The following CNTNAP2 variants were observed in gnomAD, a reference collection of about 807,000 sequenced individuals.
CNTNAP2 encodes the protein contactin-associated protein-like 2.
CNTNAP2 carries 98 observed loss-of-function variants against 155.2 expected under a neutral mutation model. That is an observed-to-expected ratio of 0.63 (90% CI 0.54 to 0.75). The LOEUF is 0.75. Ranked by LOEUF, CNTNAP2 falls within the 30% of genes least tolerant of loss-of-function variation. CNTNAP2 has a pLI of 0.00. For missense variants in CNTNAP2, 1,727 were observed against 1,688.1 expected (o/e 1.02, Z -0.40); for synonymous variants, 651 against 631.2 (o/e 1.03, Z -0.47).
intron 1 of CNTNAP2, among the ~76,000 whole-genome samples, chr7:146,681,147 G>T (rs868837388): frequency 1.3e-5 from 2 of 151,574 alleles, no homozygotes; most frequent in Non-Finnish European, 2.9e-5. Context: ...CTCAGAAAGC[G>T]TCACAGAAAA....
At chr7:146,981,976 G>A (rs1798026889) in intron 3 of CNTNAP2, among the ~76,000 whole-genome samples, 1 of 152,100 alleles carries the variant, frequency 6.6e-6, no homozygotes, top group South Asian at 2.1e-4. Flanking sequence ...CAGGGCAAAA[G>A]CATAAACCAG....
At chr7:146,130,187 C>T (rs781368822) in intron 1 of CNTNAP2, among the ~76,000 whole-genome samples, 7 of 152,164 alleles carry the variant, frequency 4.6e-5, no homozygotes, top group Admixed American at 1.3e-4. Flanking sequence ...TCGGGCCGGG[C>T]GTGGTGGCTC....
chr7:147,613,937 A>G (rs1458694589), intron 12 of CNTNAP2, among the ~76,000 whole-genome samples: 1 of 152,216 alleles, frequency 6.6e-6, no homozygotes, highest in Admixed American at 6.5e-5. Flanking sequence ...CATCTGGAAC[A>G]ATTTTTATGT....
chr7:148,266,901 A>G, intron 20 of CNTNAP2, 132 bp from the exon 21 acceptor site: 1 of 833,532 alleles, frequency 1.2e-6, no homozygotes, highest in Non-Finnish European at 2.1e-6. Flanking sequence ...GTGGTGTTTT[A>G]GAGTCAGTGC....
chr7:148,222,359 T>A (rs1197307242), intron 19 of CNTNAP2, among the ~76,000 whole-genome samples: 2 of 152,238 alleles, frequency 1.3e-5, no homozygotes, highest in Non-Finnish European at 2.9e-5. Context: ...TGGTGGGAAC[T>A]CTCTGCAGTT....
At chr7:146,831,411 G>A (rs1330351990) in intron 2 of CNTNAP2, among the ~76,000 whole-genome samples, 1 of 152,032 alleles carries the variant, frequency 6.6e-6, no homozygotes, top group African/African-American at 2.4e-5. Context: ...AGGCGTGGTG[G>A]CTCAGCCTGT....
chr7:147,481,484 A>G (rs938836292), intron 10 of CNTNAP2, among the ~76,000 whole-genome samples: 1 of 152,246 alleles, frequency 6.6e-6, no homozygotes, highest in African/African-American at 2.4e-5. Context: ...TTGAATTGCA[A>G]CATCCATCTA....
At chr7:147,842,036 A>G (rs1202919820) in intron 13 of CNTNAP2, among the ~76,000 whole-genome samples, 1 of 151,780 alleles carries the variant, frequency 6.6e-6, no homozygotes, top group Non-Finnish European at 1.5e-5. Flanking sequence ...TTAATTGTTT[A>G]TTATCATTAA....
chr7:147,318,602 G>A (rs1208296679), intron 9 of CNTNAP2, among the ~76,000 whole-genome samples: 1 of 152,078 alleles, frequency 6.6e-6, no homozygotes, highest in African/African-American at 2.4e-5. Context: ...CTCATAAGTG[G>A]GAGTTGAACA....
intron 15 of CNTNAP2, among the ~76,000 whole-genome samples, chr7:148,013,696 C>A (rs1424602811): frequency 1.3e-5 from 2 of 152,178 alleles, no homozygotes; most frequent in South Asian, 2.1e-4. Flanking sequence ...CAATTTGTAT[C>A]CATGACTTAC....
chr7:146,885,816 C>T (rs559045043), intron 3 of CNTNAP2, among the ~76,000 whole-genome samples: 214 of 152,064 alleles, frequency 1.4e-3, no homozygotes, highest in Non-Finnish European at 2.1e-3. Flanking sequence ...GTCAAAGATT[C>T]TTTTCAGCAT....
intron 1 of CNTNAP2, among the ~76,000 whole-genome samples, chr7:146,162,487 C>A (rs1044193992): frequency 2.6e-5 from 4 of 152,100 alleles, no homozygotes; most frequent in Non-Finnish European, 4.4e-5. Context: ...GAATGGTGAT[C>A]ATTAAAAAGT....
At chr7:147,137,832 G>C (rs1801514396) in intron 8 of CNTNAP2, among the ~76,000 whole-genome samples, 1 of 151,058 alleles carries the variant, frequency 6.6e-6, no homozygotes, top group Non-Finnish European at 1.5e-5. Flanking sequence ...GTAAATAATT[G>C]GATAGATAAG....
At chr7:148,374,345 A>C (rs769322886) in intron 21 of CNTNAP2, among the ~76,000 whole-genome samples, 5 of 152,164 alleles carry the variant, frequency 3.3e-5, no homozygotes, top group Admixed American at 2.0e-4. Context: ...GAAATACAAA[A>C]ATTTGCTAAC....
At chr7:146,477,542 C>T (rs139892936) in intron 1 of CNTNAP2, among the ~76,000 whole-genome samples, 211 of 148,856 alleles carry the variant, frequency 1.4e-3, no homozygotes, top group Non-Finnish European at 2.6e-3. Flanking sequence ...TTAATCTCAA[C>T]CATTTTTAAT....
intron 10 of CNTNAP2, among the ~76,000 whole-genome samples, chr7:147,407,467 CAAAAAAAAAAAAAAAAAAAAAAAAAA>C (rs768738493): frequency 3.1e-5 from 2 of 64,864 alleles, no homozygotes; most frequent in Non-Finnish European, 5.7e-5. Flanking sequence ...GACTCCCTCT[CAAAAAAAAAAAAAAAAAAAAAAAAAA>C]AAAAAAAAAA....
chr7:146,237,925 A>G (rs115452696), intron 1 of CNTNAP2, among the ~76,000 whole-genome samples: 2,117 of 152,334 alleles, frequency 0.014, 57 homozygotes, highest in African/African-American at 0.048. Context: ...AGATGGCTAG[A>G]TAAAAATAAA....
At chr7:147,258,004 T>G (rs1019182613) in intron 8 of CNTNAP2, among the ~76,000 whole-genome samples, 12 of 152,144 alleles carry the variant, frequency 7.9e-5, no homozygotes, top group African/African-American at 2.7e-4. Flanking sequence ...TCTTAGTGTT[T>G]AGATGGGTGA....
rs1036643248 is a variant in CNTNAP2 at position 147,653,839 on chromosome 7, CTTTAGAAGGCAGATAT to C, written c.2098+14536_2098+14551del. Among the ~76,000 whole-genome samples, 15 of 152,252 alleles carry C rather than the reference CTTTAGAAGGCAGATAT, an allele frequency of 9.9e-5. No individual in the cohort carries two copies. The East Asian group carries it at 1.3e-3, about 14-fold the overall frequency. On this transcript the variant is annotated intron_variant, in intron 13 of 23. Transcript: ENST00000361727. ...AATGTTAAAATCAATTAATCTTTCT[CTTTAGAAGGCAGATAT>C]TTAAGCCTACCTAGAAACCAAACAT...
Sources: allele counts gnomAD v4.1 joint callset (sites outside exome capture counted in the v4.1 genomes callset), GRCh38; gene constraint gnomAD v4.1.1; transcripts MANE v1.5; gene names NCBI Gene and HGNC (gene_info 2026-07-23, HGNC 2026-07-21).